Variants in ARFGAP3 observed in about 807,000 individuals in gnomAD.
ARFGAP3 encodes ADP-ribosylation factor GTPase-activating protein 3.
ARFGAP3 carries 72 observed loss-of-function variants against 75.0 expected under a neutral mutation model. The observed-to-expected ratio is 0.96, with a 90% CI of 0.79 to 1.17. The LOEUF (loss-of-function observed/expected upper bound fraction) is 1.17, where lower values mean the gene tolerates loss of function less well. Among genes scored for constraint, ARFGAP3 ranks in the 50% most tolerant of loss-of-function variants. ARFGAP3 has a pLI of 0.00. For synonymous variants in ARFGAP3, 221 were observed against 217.9 expected, an observed-to-expected ratio of 1.01 and a Z score of -0.13; for missense variants, 620 against 626.6, an observed-to-expected ratio of 0.99 and a Z score of 0.11.
chr22:42,838,174 T>C (rs1044389321), intron 3 of ARFGAP3, among the ~76,000 whole-genome samples: 3 of 151,616 alleles, frequency 2.0e-5, no homozygotes, highest in Non-Finnish European at 2.9e-5. Context: ...TTTTTATGCT[T>C]AGGGACAACG....
chr22:42,826,875 G>T, intron 7 of ARFGAP3, 65 bp downstream of exon 7: 1 of 1,444,984 alleles, frequency 6.9e-7, no homozygotes, highest in Non-Finnish European at 9.5e-7. Context: ...AAATGCAAGA[G>T]GATTTATTTT....
At chr22:42,844,604 A>AT (rs113706451) in intron 2 of ARFGAP3, among the ~76,000 whole-genome samples, 3 of 146,646 alleles carry the variant, frequency 2.0e-5, no homozygotes, top group Admixed American at 6.8e-5. Context: ...AAAAAAAAAA[A>AT]AAATAAAAAA....
chr22:42,818,852 G>A (rs763486659), intron 9 of ARFGAP3, among the ~76,000 whole-genome samples: 21 of 138,180 alleles, frequency 1.5e-4, no homozygotes, highest in Admixed American at 3.0e-4. Context: ...TTGCTCTGTC[G>A]CCCAGGCTGG....
rs556472740 is a variant in ARFGAP3, at chr22:42,857,263, G to A, written c.-81C>T. 5 of 1,469,716 alleles carry A rather than the reference G, an allele frequency of 3.4e-6. No homozygotes were observed. Among genetic ancestry groups the A allele is most frequent in the East Asian group, 6.0e-5 (2 of 33,102 alleles). 91.0% of individuals were successfully genotyped at this position (1,469,716 alleles called of 1,614,324 possible). A position where few individuals can be genotyped will look rare whatever the true frequency, so the allele number is the denominator to read the frequency against. On this transcript the variant is annotated 5_prime_UTR_variant, in exon 1 of 16. Transcript: ENST00000263245. The stretch of plus-strand genomic sequence containing the variant: ...AAGCGGCTACCGCCTCAGCAGGAGC[G>A]ACGAGGCCGCGGGGGCGGGGCTGCG...
Position 42,813,119 on chromosome 22 carries a change from TA to T in ARFGAP3, c.1065-2176del, listed in dbSNP as rs535017915. On this transcript the variant is annotated intron_variant, in intron 11 of 15. Coordinates refer to ENST00000263245, the MANE Select transcript of ARFGAP3 (RefSeq NM_014570.5). ...CTAAGATCAATTCAGTGAGGAATTT[TA>T]AAACTACTTAATAAGCACCTACGAG... Among the ~76,000 whole-genome samples the T allele has an allele frequency of 1.6e-4, 25 of 152,360 alleles. No homozygotes were observed. The East Asian group carries it at 2.1e-3, about 13-fold the overall frequency.
chr22:42,856,094 G>A (rs2146596413), intron 1 of ARFGAP3, among the ~76,000 whole-genome samples: 1 of 152,094 alleles, frequency 6.6e-6, no homozygotes, highest in South Asian at 2.1e-4. Context: ...AAAGAAACGG[G>A]CACTGGAGAA....
At chr22:42,824,973 C>A (rs527613072) in intron 7 of ARFGAP3, among the ~76,000 whole-genome samples, 1 of 152,172 alleles carries the variant, frequency 6.6e-6, no homozygotes, top group East Asian at 1.9e-4. Flanking sequence ...AGTTTGTTTA[C>A]GATAATGGCC....
In ARFGAP3 at chr22:42,797,303, C is replaced by T. The variant is rs542004773; in HGVS notation, c.*285G>A. 7 of 434,426 alleles carry T rather than the reference C, an allele frequency of 1.6e-5. No homozygotes were observed. The highest frequency in any genetic ancestry group is 8.2e-5 in the African/African-American group (4 of 48,788). 26.9% of individuals were successfully genotyped at this position (434,426 alleles called of 1,614,324 possible). ...GCAGGAGGAGCCGAGGTCTCCAGGC[C>T]CTCAGTGTTGAAATCAAAGGTTCCA... is the stretch of plus-strand genomic sequence containing the variant. On this transcript the variant is annotated 3_prime_UTR_variant, in exon 16 of 16. Coordinates refer to ENST00000263245, the MANE Select transcript of ARFGAP3 (RefSeq NM_014570.5).
chr22:42,807,248 G>T, intron 13 of ARFGAP3, 85 bp from the exon 14 acceptor site: 1 of 1,495,172 alleles, frequency 6.7e-7, no homozygotes, highest in South Asian at 1.3e-5. Context: ...GCTGTCATTT[G>T]AAAGTGTTTG....
In ARFGAP3 at chr22:42,857,151, G is replaced by C; in HGVS notation, c.32C>G (p.Thr11Ser). The C allele has an allele frequency of 6.6e-7, 1 of 1,514,994 alleles. No individual in the cohort carries two copies. The highest frequency in any genetic ancestry group is 8.9e-7 in the Non-Finnish European group (1 of 1,129,562). The allele number at this position is 1,514,994 out of a possible 1,614,324, so 93.8% of individuals were successfully genotyped here. The change falls in exon 1 of 16, where the codon ACC (threonine) becomes AGC (serine). Residue 11 changes from threonine to serine, a missense_variant. By Grantham distance (58) the Thr-to-Ser change is moderately conservative. Transcript: ENST00000263245. Reference protein sequence around the residue: MGDPSKQDILTIFKRLRSVPT... With the variant: MGDPSKQDILSIFKRLRSVPT... The stretch of plus-strand genomic sequence containing the variant: ...CACCGAGCGGAGGCGCTTGAAGATG[G>C]TCAAGATGTCCTGCTTGCTGGGGTC...
chr22:42,805,747 G>T (rs1317962515), intron 14 of ARFGAP3, among the ~76,000 whole-genome samples: 1 of 152,214 alleles, frequency 6.6e-6, no homozygotes, highest in Non-Finnish European at 1.5e-5. Flanking sequence ...CCGTGGCCCT[G>T]GCTGCGCACC....
chr22:42,799,119 T>C lies in ARFGAP3; in HGVS notation c.1453A>G (p.Met485Val), dbSNP rs374519982. The change falls in exon 15 of 16, where the codon ATG (methionine) becomes GTG (valine). Residue 485 changes from methionine to valine, a missense_variant. Transcript: ENST00000263245. The part of the protein sequence containing the change: ...LSSVLPNAPD[M>V]AQFKQGVRSV... ...CTCACTCCCTGCTTGAACTGCGCCATGTCGGGGGCGTTGGGCAGCACACTG... is the reference window on the plus strand; with the variant it reads ...CTCACTCCCTGCTTGAACTGCGCCACGTCGGGGGCGTTGGGCAGCACACTG... The C allele has an allele frequency of 6.2e-6, 10 of 1,614,008 alleles. No homozygotes were observed. The African/African-American group carries it at 1.2e-4, about 19-fold the overall frequency.
At chr22:42,816,507 C>T (rs995179863) in intron 11 of ARFGAP3, among the ~76,000 whole-genome samples, 6 of 152,192 alleles carry the variant, frequency 3.9e-5, no homozygotes, top group East Asian at 3.8e-4. Flanking sequence ...CAGGTCCTTA[C>T]GAAGTGAACT....
chr22:42,823,935 A>AT (rs35192684), intron 7 of ARFGAP3: 59,549 of 182,612 alleles, frequency 0.33, 10,669 homozygotes, highest in Admixed American at 0.39. Flanking sequence ...GAGAAAATGT[A>AT]TTTTTTTTTT....
chr22:42,800,335 G>T (rs1924800184), intron 14 of ARFGAP3, among the ~76,000 whole-genome samples: 2 of 152,150 alleles, frequency 1.3e-5, no homozygotes, highest in African/African-American at 4.8e-5. Context: ...TTCAAGACCA[G>T]CCTGGCCAAC....
chr22:42,814,941 T>C (rs1472789436), intron 11 of ARFGAP3, among the ~76,000 whole-genome samples: 2 of 152,180 alleles, frequency 1.3e-5, no homozygotes, highest in African/African-American at 2.4e-5. Context: ...TCTCACTATA[T>C]TTCCCAGTCT....
intron 6 of ARFGAP3, among the ~76,000 whole-genome samples, chr22:42,830,436 G>A (rs1227067269): frequency 1.3e-5 from 2 of 152,100 alleles, no homozygotes; most frequent in Non-Finnish European, 2.9e-5. Flanking sequence ...CCCAACCCGC[G>A]GTTGGTGACT....
chr22:42,842,011 C>CTTTTTTTTTTTTTTTTTTTTTTT (rs55825441), intron 2 of ARFGAP3, among the ~76,000 whole-genome samples: 4 of 91,272 alleles, frequency 4.4e-5, no homozygotes, highest in Non-Finnish European at 6.1e-5. Context: ...CCATGCCGGG[C>CTTTTTTTTTTTTTTTTTTTTTTT]TTTTTTTTTT....
chr22:42,827,223 T>C (rs1926081327), intron 6 of ARFGAP3: 1 of 348,694 alleles, frequency 2.9e-6, no homozygotes, highest in Non-Finnish European at 4.0e-6. Context: ...CAAATAAAAA[T>C]GTTAGTGGTC....
Sources: allele counts gnomAD v4.1 joint callset (sites outside exome capture counted in the v4.1 genomes callset), GRCh38; gene constraint gnomAD v4.1.1; transcripts MANE v1.5; gene names NCBI Gene and HGNC (gene_info 2026-07-23, HGNC 2026-07-21).